VAPB: variants seen among roughly 807,000 people sequenced by gnomAD.
VAPB encodes vesicle-associated membrane protein-associated protein B/C.
VAPB carries 7 observed loss-of-function variants against 25.6 expected under a neutral mutation model. The ratio of observed to expected loss-of-function variants is 0.27; its 90% confidence interval spans 0.16 to 0.51. The LOEUF (loss-of-function observed/expected upper bound fraction) is 0.51. VAPB is among the 20% of genes least tolerant of loss of function. The pLI, the probability that VAPB is intolerant of heterozygous loss-of-function variation, is 0.97. For missense variants in VAPB, 266 were observed against 301.3 expected (o/e 0.88, Z 0.87); for synonymous variants, 112 against 109.2 (o/e 1.03, Z -0.16).
In VAPB at chr20:58,434,666, T is replaced by C; in HGVS notation, c.276T>C (p.Ser92=). 1 of 1,598,182 alleles carries C rather than the reference T, an allele frequency of 6.3e-7. No individual in the cohort carries two copies. The highest frequency in any genetic ancestry group is 8.6e-7 in the Non-Finnish European group (1 of 1,165,926). The change falls in exon 3 of 6, where the codon TCT becomes TCC. Residue 92 remains serine, a synonymous_variant. Transcript: ENST00000475243. ...EKSKHKFMVQ[S]MFAPTDTSDM... ...GTAAACACAAGTTTATGGTTCAGTC[T>C]ATGTTTGCTCCAACTGACACTTCAG... is the stretch of plus-strand genomic sequence containing the variant.
intron 3 of VAPB, among the ~76,000 whole-genome samples, chr20:58,436,695 T>G (rs1989053685): frequency 2.0e-5 from 3 of 152,222 alleles, no homozygotes; most frequent in African/African-American, 7.2e-5. Context: ...AATAGCATGG[T>G]GACCACTCAT....
At position 58,444,045 on chromosome 20, in the gene VAPB, C is replaced by G. The variant is rs760947340; in HGVS notation, c.574-32C>G. The stretch of plus-strand genomic sequence containing the variant: ...TTGACTCCCCTTTCTGGTGCCTTGG[C>G]TTGTCTTTGAAATGTGCGTTTGCTC... On this transcript the variant is annotated intron_variant, in intron 5 of 5. Transcript: ENST00000475243. 4 of 1,614,020 alleles carry G rather than the reference C, an allele frequency of 2.5e-6. No homozygotes were observed. In the South Asian group the frequency reaches 4.4e-5, roughly 18 times the overall value.
intron 3 of VAPB, among the ~76,000 whole-genome samples, chr20:58,436,508 G>A (rs1353545260): frequency 1.3e-5 from 2 of 151,316 alleles, no homozygotes; most frequent in Non-Finnish European, 2.9e-5. Context: ...TAATTTTTTT[G>A]TAGAGACAGG....
At chr20:58,395,037 T>G (rs1987914132) in intron 1 of VAPB, among the ~76,000 whole-genome samples, 1 of 152,204 alleles carries the variant, frequency 6.6e-6, no homozygotes, top group Non-Finnish European at 1.5e-5. Flanking sequence ...AGTTGAAAAT[T>G]AGGGGAGGAG....
rs776790445 is a variant in VAPB at position 58,448,054 on chromosome 20, G to C, written c.*3819G>C. On this transcript the variant is annotated 3_prime_UTR_variant, in exon 6 of 6. Coordinates refer to ENST00000475243, the MANE Select transcript of VAPB (RefSeq NM_004738.5). The stretch of plus-strand genomic sequence containing the variant: ...CTGAAGAAGGAGAAAGAACCAAACT[G>C]AACTATGAAAAGTTACCACTCTGAG... The C allele has an allele frequency of 1.8e-5, 8 of 453,810 alleles. 1 individual carries two copies. Among genetic ancestry groups the C allele is most frequent in the South Asian group, 1.2e-4 (8 of 64,446 alleles). The allele number at this position is 453,810 out of a possible 1,614,324, so 28.1% of individuals were successfully genotyped here.
intron 1 of VAPB, among the ~76,000 whole-genome samples, chr20:58,403,473 A>C (rs1223983343): frequency 6.6e-6 from 1 of 152,162 alleles, no homozygotes; most frequent in Non-Finnish European, 1.5e-5. Context: ...GGTGAATCTC[A>C]GTTTCTGGTA....
chr20:58,437,896 T>G (rs73296841), intron 3 of VAPB, among the ~76,000 whole-genome samples: 400 of 152,306 alleles, frequency 2.6e-3, no homozygotes, highest in African/African-American at 9.0e-3. Flanking sequence ...TAGCTGCCTC[T>G]TGCATGGTTT....
At chr20:58,404,152 A>T (rs1988168088) in intron 1 of VAPB, among the ~76,000 whole-genome samples, 2 of 152,262 alleles carry the variant, frequency 1.3e-5, no homozygotes, top group South Asian at 4.1e-4. Context: ...ATATTTTTCT[A>T]AAAATTGAAA....
At chr20:58,390,881 G>A (rs938437784) in intron 1 of VAPB, among the ~76,000 whole-genome samples, 1 of 152,218 alleles carries the variant, frequency 6.6e-6, no homozygotes, top group African/African-American at 2.4e-5. Flanking sequence ...CAGAACGGTG[G>A]CTGTCACTTT....
At chr20:58,402,466 A>G (rs1325014081) in intron 1 of VAPB, among the ~76,000 whole-genome samples, 1 of 151,476 alleles carries the variant, frequency 6.6e-6, no homozygotes, top group African/African-American at 2.4e-5. Context: ...CTCACATTGT[A>G]TCTGTTCCTC....
At chr20:58,407,223 T>C (rs2060174095) in intron 1 of VAPB, among the ~76,000 whole-genome samples, 1 of 152,226 alleles carries the variant, frequency 6.6e-6, no homozygotes, top group Admixed American at 6.5e-5. Context: ...TTTAGATGGT[T>C]TCTAGTATTT....
intron 4 of VAPB, chr20:58,440,275 G>C (rs1344122723): frequency 1.3e-5 from 2 of 152,868 alleles, no homozygotes; most frequent in African/African-American, 4.8e-5. Flanking sequence ...ATGATCGTCA[G>C]TTACTCTTTC....
chr20:58,449,556 T>C lies in VAPB; in HGVS notation c.*5321T>C, dbSNP rs1467727390. 6.6e-6 allele frequency: 3 copies of C among 453,958 alleles called. No individual in the cohort carries two copies. The highest frequency in any genetic ancestry group is 1.3e-5 in the Non-Finnish European group (3 of 226,794). 28.1% of individuals were successfully genotyped at this position (453,958 alleles called of 1,614,324 possible). A position where few individuals can be genotyped will look rare whatever the true frequency, so the allele number is the denominator to read the frequency against. On this transcript the variant is annotated 3_prime_UTR_variant, in exon 6 of 6. Coordinates refer to ENST00000475243, the MANE Select transcript of VAPB (RefSeq NM_004738.5). ...GCCATTATCTAACTTGCCATAAATA[T>C]TTGCAGTTATGATACCTTGGAATGT...
chr20:58,439,008 G>T lies in VAPB; in HGVS notation c.379G>T (p.Ala127Ser). ...ACTTAGATGTGTGTTTGAATTGCCA[G>T]CAGAGAATGATAAACCAGTAAGTAT... Reference protein sequence around the residue: ...SKLRCVFELPAENDKPHDVEI... With the variant: ...SKLRCVFELPSENDKPHDVEI... Residue 127 changes from alanine to serine, a missense_variant, in exon 4 of 6, where the codon GCA (alanine) becomes TCA (serine). Transcript: ENST00000475243. The T allele has an allele frequency of 6.2e-7, 1 of 1,613,794 alleles. No individual in the cohort carries two copies. The highest frequency in any genetic ancestry group is 1.1e-5 in the South Asian group (1 of 91,084).
chr20:58,401,373 A>G lies in VAPB; in HGVS notation c.58+11856A>G, dbSNP rs148555957. Among the ~76,000 whole-genome samples the G allele has an allele frequency of 7.8e-4, 119 of 152,146 alleles. 1 individual carries two copies. In the East Asian group the frequency reaches 0.011, roughly 14 times the overall value. On this transcript the variant is annotated intron_variant, in intron 1 of 5. Coordinates refer to ENST00000475243, the MANE Select transcript of VAPB (RefSeq NM_004738.5). Reference sequence around the variant, plus strand: ...TTTCACTTTCCTTCTTATCATGGTAAGCTTCTGGAAAACATAGTTTCCTGT... The same window carrying G: ...TTTCACTTTCCTTCTTATCATGGTAGGCTTCTGGAAAACATAGTTTCCTGT...
chr20:58,420,047 G>A (rs760748037), intron 2 of VAPB, among the ~76,000 whole-genome samples: 8 of 151,796 alleles, frequency 5.3e-5, no homozygotes, highest in Non-Finnish European at 8.8e-5. Flanking sequence ...GTGCAGTGGC[G>A]CGATCTCTGC....
At chr20:58,401,176 C>A (rs117711096) in intron 1 of VAPB, among the ~76,000 whole-genome samples, 1 of 152,130 alleles carries the variant, frequency 6.6e-6, no homozygotes, top group Non-Finnish European at 1.5e-5. Flanking sequence ...GCTTTTGTTG[C>A]CTTTCTCTTC....
chr20:58,436,293 A>G (rs944029935), intron 3 of VAPB, among the ~76,000 whole-genome samples: 4 of 148,442 alleles, frequency 2.7e-5, no homozygotes, highest in African/African-American at 1.0e-4. Context: ...CCTAACCATC[A>G]TTAATGAGAA....
At chr20:58,423,959 G>T (rs950628473) in intron 2 of VAPB, among the ~76,000 whole-genome samples, 2 of 152,108 alleles carry the variant, frequency 1.3e-5, no homozygotes, top group African/African-American at 4.8e-5. Context: ...GCTTTTAAGG[G>T]TTTTTACAAG....
Sources: gnomAD v4.1 joint callset for allele counts (sites outside exome capture counted in the v4.1 genomes callset) on GRCh38, gnomAD v4.1.1 for gene constraint, MANE v1.5 for transcripts, NCBI Gene and HGNC (gene_info 2026-07-23, HGNC 2026-07-21) for gene names.